The following WWOX variants were observed in gnomAD, a reference collection of about 807,000 sequenced individuals.
The protein encoded by WWOX is WW domain-containing oxidoreductase.
A neutral mutation model predicts 46.2 loss-of-function variants in WWOX; 69 were observed. The ratio of observed to expected loss-of-function variants is 1.49; its 90% CI spans 1.23 to 1.82. The LOEUF is 1.82. Among genes scored for constraint, WWOX ranks in the 40% most tolerant of loss-of-function variants. The pLI, the probability that WWOX is intolerant of heterozygous loss-of-function variation, is 0.00. For missense variants in WWOX, 919 were observed against 542.6 expected (o/e 1.69, Z -6.89); for synonymous variants, 359 against 202.6 (o/e 1.77, Z -6.56).
At chr16:78,858,334 G>A (rs943742612) in intron 8 of WWOX, among the ~76,000 whole-genome samples, 5 of 151,586 alleles carry the variant, frequency 3.3e-5, no homozygotes, top group African/African-American at 9.7e-5. Context: ...ATATATATGT[G>A]TGTGTGTGTG....
At chr16:78,781,570 C>T (rs928176995) in intron 8 of WWOX, among the ~76,000 whole-genome samples, 2 of 152,172 alleles carry the variant, frequency 1.3e-5, no homozygotes, top group Admixed American at 1.3e-4. Context: ...CTATTTAAAA[C>T]ATGTTTATCT....
chr16:78,802,133 C>T lies in WWOX; in HGVS notation c.1056+369381C>T, dbSNP rs186243014. On this transcript the variant is annotated intron_variant, in intron 8 of 8. Transcript: ENST00000566780. ...GCGTGAATCTCACTCTTAGATCAGACGTGCTTTTGAAATATCCAGATATAT... is the reference window on the plus strand; with the variant it reads ...GCGTGAATCTCACTCTTAGATCAGATGTGCTTTTGAAATATCCAGATATAT... Among the ~76,000 whole-genome samples, 106 of 150,510 alleles carry T rather than the reference C, an allele frequency of 7.0e-4. 1 individual carries two copies. The Middle Eastern group carries it at 0.017, about 25-fold the overall frequency.
chr16:78,344,298 C>A (rs2081061716), intron 5 of WWOX, among the ~76,000 whole-genome samples: 1 of 120,064 alleles, frequency 8.3e-6, no homozygotes, highest in Non-Finnish European at 2.0e-5. Flanking sequence ...GTGATAGCAC[C>A]CATTGCTTAA....
intron 5 of WWOX, among the ~76,000 whole-genome samples, chr16:78,282,798 A>C (rs2079702180): frequency 6.7e-6 from 1 of 148,936 alleles, no homozygotes; most frequent in African/African-American, 2.5e-5. Context: ...GAATCGCTTG[A>C]ACCTCGGAGG....
At chr16:78,624,516 T>C (rs755598956) in intron 8 of WWOX, among the ~76,000 whole-genome samples, 32 of 152,200 alleles carry the variant, frequency 2.1e-4, no homozygotes, top group Non-Finnish European at 3.5e-4. Flanking sequence ...GACAATATCT[T>C]TAATAGCTTC....
At chr16:78,891,880 A>C (rs1320302379) in intron 8 of WWOX, 1 of 152,204 alleles carries the variant, frequency 6.6e-6, no homozygotes, top group African/African-American at 2.4e-5. Context: ...CATCAACTCT[A>C]ACAAATGAAG....
intron 5 of WWOX, among the ~76,000 whole-genome samples, chr16:78,382,577 T>C (rs1408674987): frequency 6.6e-6 from 1 of 152,216 alleles, no homozygotes; most frequent in Non-Finnish European, 1.5e-5. Context: ...AGCCCACGTC[T>C]TACTGACCAC....
At chr16:78,557,577 A>G (rs979205702) in intron 8 of WWOX, among the ~76,000 whole-genome samples, 6 of 152,002 alleles carry the variant, frequency 3.9e-5, no homozygotes, top group African/African-American at 9.7e-5. Context: ...GAGTGGCACT[A>G]TAGCTGAAGA....
chr16:78,910,891 A>G (rs959547847), intron 8 of WWOX, among the ~76,000 whole-genome samples: 1 of 152,076 alleles, frequency 6.6e-6, no homozygotes, highest in African/African-American at 2.4e-5. Context: ...CAGCCAAACC[A>G]TATCAGATGC....
chr16:78,452,006 G>GT (rs1159820311), intron 8 of WWOX, among the ~76,000 whole-genome samples: 5 of 152,070 alleles, frequency 3.3e-5, no homozygotes, highest in African/African-American at 1.2e-4. Flanking sequence ...ACTTCCTTCT[G>GT]TTTTTAGTGA....
Position 78,633,896 on chromosome 16 carries a change from G to GTT in WWOX, c.1056+201160_1056+201161dup, listed in dbSNP as rs4035834. Among the ~76,000 whole-genome samples, 513 of 134,644 alleles carry GTT rather than the reference G, an allele frequency of 3.8e-3. 6 individuals carry two copies. Among genetic ancestry groups the GTT allele is most frequent in the African/African-American group, 0.013 (486 of 36,874 alleles). 88.3% of individuals were successfully genotyped at this position (134,644 alleles called of 152,430 possible). A position where few individuals can be genotyped will look rare whatever the true frequency, so the allele number is the denominator to read the frequency against. Reference sequence around the variant, plus strand: ...GAGCAGGGGAGGAACCATCTGAGGTGTTTTTTTTTTTTTTTTTAGATTTCT... The same window carrying GTT: ...GAGCAGGGGAGGAACCATCTGAGGTGTTTTTTTTTTTTTTTTTTTAGATTTCT... On this transcript the variant is annotated intron_variant, in intron 8 of 8. Coordinates refer to ENST00000566780, the MANE Select transcript of WWOX (RefSeq NM_016373.4).
intron 8 of WWOX, among the ~76,000 whole-genome samples, chr16:79,044,145 C>T (rs2150516973): frequency 6.6e-6 from 1 of 152,260 alleles, no homozygotes; most frequent in East Asian, 1.9e-4. Context: ...ACTGGGAATC[C>T]CAAACAGCAA....
intron 5 of WWOX, among the ~76,000 whole-genome samples, chr16:78,306,414 A>C (rs965525988): frequency 6.6e-6 from 1 of 152,176 alleles, no homozygotes; most frequent in Non-Finnish European, 1.5e-5. Context: ...GATATTTCAG[A>C]ACCCTGCATC....
intron 5 of WWOX, among the ~76,000 whole-genome samples, chr16:78,336,755 T>A (rs1422124830): frequency 6.6e-6 from 1 of 152,102 alleles, no homozygotes; most frequent in Non-Finnish European, 1.5e-5. Context: ...AAATGGTATT[T>A]CCTGAGTTTT....
chr16:79,029,425 C>T (rs116806219), intron 8 of WWOX, among the ~76,000 whole-genome samples: 1,567 of 152,314 alleles, frequency 0.01, 30 homozygotes, highest in African/African-American at 0.036. Flanking sequence ...AACATGTGTG[C>T]ACCAGTAAAG....
chr16:78,206,739 C>G (rs2036407888), intron 5 of WWOX, among the ~76,000 whole-genome samples: 1 of 146,358 alleles, frequency 6.8e-6, no homozygotes, highest in South Asian at 2.1e-4. Flanking sequence ...ACCATCAGAA[C>G]TACCTTTTGA....
At chr16:78,377,058 A>C (rs1160449213) in intron 5 of WWOX, among the ~76,000 whole-genome samples, 1 of 152,200 alleles carries the variant, frequency 6.6e-6, no homozygotes, top group Admixed American at 6.5e-5. Flanking sequence ...TGGGGCACTG[A>C]TTTTTCTTTT....
At chr16:78,702,493 A>G (rs2048245604) in intron 8 of WWOX, among the ~76,000 whole-genome samples, 1 of 151,222 alleles carries the variant, frequency 6.6e-6, no homozygotes, top group African/African-American at 2.5e-5. Context: ...TCTACTAAAA[A>G]TACAAAAATT....
chr16:78,923,024 C>T (rs144803245), intron 8 of WWOX, among the ~76,000 whole-genome samples: 1 of 138,268 alleles, frequency 7.2e-6, no homozygotes, highest in African/African-American at 2.6e-5. Flanking sequence ...TCTTATTGCC[C>T]AGGCTGGAGT....
Sources: gnomAD v4.1 joint callset for allele counts (sites outside exome capture counted in the v4.1 genomes callset) on GRCh38, gnomAD v4.1.1 for gene constraint, MANE v1.5 for transcripts, NCBI Gene and HGNC (gene_info 2026-07-23, HGNC 2026-07-21) for gene names.